NBAS: variants seen among roughly 807,000 people sequenced by gnomAD.
NBAS encodes the protein NAG/BC035112 fusion.
A neutral mutation model predicts 302.5 loss-of-function variants in NBAS; 219 were observed. The ratio of observed to expected loss-of-function variants is 0.72; its 90% CI spans 0.65 to 0.81. The LOEUF (loss-of-function observed/expected upper bound fraction) is 0.81. Ranked by LOEUF, NBAS falls within the 30% of genes least tolerant of loss-of-function variation. The pLI is 0.00. For missense variants in NBAS, 2,932 were observed against 2,841.6 expected, an observed-to-expected ratio of 1.03 and a Z score of -0.72; for synonymous variants, 1,118 against 1,021.6, an observed-to-expected ratio of 1.09 and a Z score of -1.80.
At chr2:14,867,910 C>A in the NBAS span, among the ~76,000 whole-genome samples, 8 of 152,138 alleles carry the variant, frequency 5.3e-5, no homozygotes, top group Non-Finnish European at 7.4e-5. Context: ...CTAGTGATCA[C>A]GACAGCCATG....
chr2:15,551,559 G>C, intron 5 of NBAS, 23 bp from the exon 6 acceptor site: 2 of 1,595,632 alleles, frequency 1.3e-6, no homozygotes, highest in Non-Finnish European at 1.7e-6. Context: ...CAAAATCAAG[G>C]CAAAAGTTTT....
At chr2:14,896,295 A>T in the NBAS span, among the ~76,000 whole-genome samples, 1 of 152,148 alleles carries the variant, frequency 6.6e-6, no homozygotes, top group East Asian at 1.9e-4. Context: ...TATGTAATGT[A>T]TTAATAATAT....
chr2:14,962,090 T>C, the NBAS span, among the ~76,000 whole-genome samples: 1 of 152,184 alleles, frequency 6.6e-6, no homozygotes, highest in Non-Finnish European at 1.5e-5. Flanking sequence ...TGTGATTTTC[T>C]ATATCGTCCC....
At chr2:14,940,672 CT>C in the NBAS span, among the ~76,000 whole-genome samples, 1 of 152,190 alleles carries the variant, frequency 6.6e-6, no homozygotes, top group Non-Finnish European at 1.5e-5. Context: ...AACACAATGC[CT>C]CCCACTACCT....
chr2:15,034,988 A>G, the NBAS span, among the ~76,000 whole-genome samples: 7 of 152,314 alleles, frequency 4.6e-5, no homozygotes, highest in East Asian at 9.7e-4. Context: ...ACATTACACC[A>G]AGATATTTCC....
At chr2:15,303,273 TG>T (rs1281929517) in intron 40 of NBAS, among the ~76,000 whole-genome samples, 1 of 152,192 alleles carries the variant, frequency 6.6e-6, no homozygotes, top group Admixed American at 6.5e-5. Context: ...TGATAGAAGC[TG>T]GATGGAAGAA....
chr2:14,789,455 G>T, the NBAS span, among the ~76,000 whole-genome samples: 1 of 152,138 alleles, frequency 6.6e-6, no homozygotes, highest in African/African-American at 2.4e-5. Context: ...GACCGGAGCT[G>T]TTCCTATTTG....
chr2:15,468,254 T>C (rs75809913), intron 17 of NBAS, 128 bp downstream of exon 17: 17 of 1,112,026 alleles, frequency 1.5e-5, no homozygotes, highest in East Asian at 2.4e-5. Flanking sequence ...TAAGACAGTA[T>C]TGATCAAAAG....
At chr2:15,255,415 G>C (rs1024042902) in intron 44 of NBAS, among the ~76,000 whole-genome samples, 7 of 151,978 alleles carry the variant, frequency 4.6e-5, no homozygotes, top group African/African-American at 7.2e-5. Flanking sequence ...GGGATTGTTT[G>C]CTTGCTTCTT....
In NBAS at chr2:15,474,064, C is replaced by A; in HGVS notation, c.1599+3G>T. 6.2e-7 allele frequency: 1 copy of A among 1,614,154 alleles called. No homozygotes were observed. Among genetic ancestry groups the A allele is most frequent in the Non-Finnish European group, 8.5e-7 (1 of 1,180,018 alleles). On this transcript the variant is annotated splice_donor_region_variant and intron_variant, in intron 15 of 51. Transcript: ENST00000281513. ...CTTGGGTAGTAATATGCTACTCTCTCACCTTCCTCTGATAAAGTTCCTCTG... is the reference window on the plus strand; with the variant it reads ...CTTGGGTAGTAATATGCTACTCTCTAACCTTCCTCTGATAAAGTTCCTCTG...
intron 45 of NBAS, among the ~76,000 whole-genome samples, chr2:15,237,679 T>C (rs1667659625): frequency 6.6e-6 from 1 of 151,006 alleles, no homozygotes; most frequent in African/African-American, 2.4e-5. Flanking sequence ...CACCGCAACC[T>C]CCGCCTCCCA....
chr2:15,532,348 G>T (rs1220763539), intron 9 of NBAS, among the ~76,000 whole-genome samples: 1 of 151,778 alleles, frequency 6.6e-6, no homozygotes, highest in Admixed American at 6.6e-5. Flanking sequence ...AATTAGCCGG[G>T]CTTGGTGGCA....
intron 48 of NBAS, among the ~76,000 whole-genome samples, chr2:15,207,732 T>C (rs1169773715): frequency 6.6e-6 from 1 of 152,150 alleles, no homozygotes; most frequent in East Asian, 1.9e-4. Context: ...CCTGCCACCT[T>C]TTGAAGAAGG....
chr2:15,316,965 T>A (rs938769982), intron 38 of NBAS, among the ~76,000 whole-genome samples: 2 of 152,160 alleles, frequency 1.3e-5, no homozygotes, highest in African/African-American at 2.4e-5. Context: ...GGGAGACGCT[T>A]CCCAGTAGGG....
the NBAS span, among the ~76,000 whole-genome samples, chr2:15,156,000 T>G: frequency 6.6e-6 from 1 of 152,350 alleles, no homozygotes; most frequent in East Asian, 1.9e-4. Context: ...AAGCTTCTTT[T>G]ATTTCATACT....
chr2:15,107,254 C>T, the NBAS span, among the ~76,000 whole-genome samples: 1 of 151,960 alleles, frequency 6.6e-6, no homozygotes, highest in Admixed American at 6.6e-5. Context: ...CAGGCATGCA[C>T]CAGAGAAAGG....
the NBAS span, among the ~76,000 whole-genome samples, chr2:15,030,360 T>C: frequency 6.6e-6 from 1 of 152,210 alleles, no homozygotes; most frequent in East Asian, 1.9e-4. Context: ...TAGGTCACAG[T>C]AATGTATGGT....
chr2:14,896,461 T>C, the NBAS span, among the ~76,000 whole-genome samples: 1 of 152,172 alleles, frequency 6.6e-6, no homozygotes, highest in African/African-American at 2.4e-5. Context: ...GCCCCCACAC[T>C]GAACAAATCT....
chr2:15,462,645 G>A lies in NBAS; in HGVS notation c.2098-854C>T, dbSNP rs140584181. The stretch of plus-strand genomic sequence containing the variant: ...GGTGAGGGAGGGAGGGAGGGAGGAA[G>A]GAGAGCTGAGCAGTTCACTTGTAGA... On this transcript the variant is annotated intron_variant, in intron 19 of 51. Transcript: ENST00000281513. Among the ~76,000 whole-genome samples the A allele has an allele frequency of 4.7e-3, 719 of 152,168 alleles. 8 individuals carry two copies. The highest frequency in any genetic ancestry group is 0.016 in the African/African-American group (668 of 41,532).
Sources: gnomAD v4.1 joint callset for allele counts (sites outside exome capture counted in the v4.1 genomes callset) on GRCh38, gnomAD v4.1.1 for gene constraint, MANE v1.5 for transcripts, NCBI Gene and HGNC (gene_info 2026-07-23, HGNC 2026-07-21) for gene names.